The following SCAPER variants were observed in gnomAD, a reference collection of about 807,000 sequenced individuals.
SCAPER encodes S phase cyclin A-associated protein in the endoplasmic reticulum.
SCAPER carries 98 observed loss-of-function variants against 182.2 expected under a neutral mutation model. The observed-to-expected ratio is 0.54, with a 90% CI of 0.46 to 0.64. SCAPER has a LOEUF of 0.64. SCAPER is among the 30% of genes least tolerant of loss of function. The probability of loss-of-function intolerance (pLI) is 0.00; values close to 1 mark genes in which losing one functional copy is unlikely to be tolerated. For synonymous variants in SCAPER, 605 were observed against 564.6 expected, an observed-to-expected ratio of 1.07 and a Z score of -1.01; for missense variants, 1,432 against 1,690.0, an observed-to-expected ratio of 0.85 and a Z score of 2.68.
chr15:76,604,165 C>A lies in SCAPER; in HGVS notation c.2711+17599G>T, dbSNP rs57623988. Among the ~76,000 whole-genome samples the A allele has an allele frequency of 4.3e-4, 51 of 119,550 alleles. 8 individuals are homozygous for A. The highest frequency in any genetic ancestry group is 1.1e-3 in the African/African-American group (42 of 39,456). 78.4% of individuals were successfully genotyped at this position (119,550 alleles called of 152,430 possible). A position where few individuals can be genotyped will look rare whatever the true frequency, so the allele number is the denominator to read the frequency against. ...GGGTTTTTATGGTTTTAGGTCTAAC[C>A]TTTAAGTCTTTAATCCATCTTGAAT... On this transcript the variant is annotated intron_variant, in intron 22 of 31. Coordinates refer to ENST00000563290, the MANE Select transcript of SCAPER (RefSeq NM_020843.4).
chr15:76,882,616 G>A (rs1226951990), intron 2 of SCAPER, among the ~76,000 whole-genome samples: 1 of 152,204 alleles, frequency 6.6e-6, no homozygotes, highest in Non-Finnish European at 1.5e-5. Flanking sequence ...AGTATGAAGT[G>A]GGAGGGATGA....
intron 27 of SCAPER, among the ~76,000 whole-genome samples, chr15:76,388,410 C>A (rs568129576): frequency 1.3e-5 from 2 of 151,720 alleles, no homozygotes; most frequent in Non-Finnish European, 2.9e-5. Context: ...GAGCTATCAT[C>A]GCCTCACTGC....
chr15:76,454,545 C>G (rs2048589198), intron 25 of SCAPER, among the ~76,000 whole-genome samples: 1 of 152,036 alleles, frequency 6.6e-6, no homozygotes, highest in Admixed American at 6.5e-5. Context: ...AAATGTGTCC[C>G]TAGAGAATAT....
At chr15:76,414,185 C>A (rs1204352698) in intron 26 of SCAPER, among the ~76,000 whole-genome samples, 1 of 152,062 alleles carries the variant, frequency 6.6e-6, no homozygotes, top group East Asian at 1.9e-4. Flanking sequence ...AACAAGCTGG[C>A]AAGTATTCCC....
At chr15:76,564,886 C>A (rs2164102) in intron 23 of SCAPER, among the ~76,000 whole-genome samples, 40,129 of 151,966 alleles carry the variant, frequency 0.26, 6,164 homozygotes, top group East Asian at 0.55. Context: ...ACTATCTGAT[C>A]TTCGACAAAC....
At chr15:76,775,333 G>C (rs942691114) in intron 8 of SCAPER, among the ~76,000 whole-genome samples, 2 of 151,992 alleles carry the variant, frequency 1.3e-5, no homozygotes, top group Non-Finnish European at 2.9e-5. Context: ...CTGAAATTCA[G>C]ATTAAGGCTG....
chr15:76,663,494 T>C (rs779857604), intron 21 of SCAPER, among the ~76,000 whole-genome samples: 4 of 152,002 alleles, frequency 2.6e-5, no homozygotes, highest in Non-Finnish European at 5.9e-5. Context: ...CAGTAGAATG[T>C]GGTATATCCA....
At chr15:76,710,695 C>T (rs191018841) in intron 17 of SCAPER, among the ~76,000 whole-genome samples, 1 of 152,220 alleles carries the variant, frequency 6.6e-6, no homozygotes, top group Non-Finnish European at 1.5e-5. Flanking sequence ...AGATGTCAAT[C>T]TCCCTAAACT....
chr15:76,428,894 A>ATATATATATATATATATATATATATATAT (rs71143324), intron 26 of SCAPER, among the ~76,000 whole-genome samples: 41 of 138,066 alleles, frequency 3.0e-4, no homozygotes, highest in Non-Finnish European at 4.3e-4. Context: ...ATATATATAT[A>ATATATATATATATATATATATATATATAT]AACATCAAAA....
At chr15:76,899,634 T>C (rs574420475) in intron 1 of SCAPER, among the ~76,000 whole-genome samples, 4 of 152,096 alleles carry the variant, frequency 2.6e-5, no homozygotes, top group Admixed American at 6.5e-5. Flanking sequence ...TCGTCTGGGA[T>C]GTGAGGAGCC....
At chr15:76,714,990 C>T (rs1471709556) in intron 17 of SCAPER, among the ~76,000 whole-genome samples, 1 of 152,022 alleles carries the variant, frequency 6.6e-6, no homozygotes, top group African/African-American at 2.4e-5. Flanking sequence ...CAACATCCAC[C>T]CAGCAGCATG....
intron 20 of SCAPER, among the ~76,000 whole-genome samples, chr15:76,680,216 A>G (rs909866161): frequency 6.6e-6 from 1 of 152,072 alleles, no homozygotes; most frequent in East Asian, 1.9e-4. Context: ...AGTGCTGTTA[A>G]CTTCTAAATA....
intron 8 of SCAPER, among the ~76,000 whole-genome samples, chr15:76,790,654 T>TA (rs1365371606): frequency 6.6e-6 from 1 of 152,176 alleles, no homozygotes; most frequent in African/African-American, 2.4e-5. Context: ...TTCCTGCTAT[T>TA]ACTCCTTGTG....
At chr15:76,682,310 G>A (rs755491789) in intron 20 of SCAPER, among the ~76,000 whole-genome samples, 17 of 141,752 alleles carry the variant, frequency 1.2e-4, no homozygotes, top group Non-Finnish European at 2.1e-4. Flanking sequence ...AGACTGCTGT[G>A]CCACTGCTGC....
At chr15:76,499,232 T>C (rs1024174109) in intron 24 of SCAPER, among the ~76,000 whole-genome samples, 1 of 152,210 alleles carries the variant, frequency 6.6e-6, no homozygotes, top group African/African-American at 2.4e-5. Flanking sequence ...AAGAATAGGA[T>C]GCTCACACCT....
chr15:76,371,143 G>GCATA (rs2042141469), intron 29 of SCAPER, among the ~76,000 whole-genome samples: 1 of 152,130 alleles, frequency 6.6e-6, no homozygotes, highest in East Asian at 1.9e-4. Context: ...ATTTCAGGGA[G>GCATA]CTTACTTTAT....
chr15:76,504,711 C>G (rs778336400), intron 24 of SCAPER, 148 bp downstream of exon 24: 6 of 595,016 alleles, frequency 1.0e-5, no homozygotes, highest in Non-Finnish European at 1.7e-5. Flanking sequence ...TTGAGCACCT[C>G]TGTTTTTCTC....
intron 17 of SCAPER, 130 bp downstream of exon 17, chr15:76,728,465 T>G (rs2060720258): frequency 8.1e-7 from 1 of 1,236,690 alleles, no homozygotes; most frequent in Non-Finnish European, 1.1e-6. Flanking sequence ...GTCAGAGAGT[T>G]CAAGATCAAC....
chr15:76,803,626 G>A lies in SCAPER; in HGVS notation c.494+907C>T, dbSNP rs771989650. Among the ~76,000 whole-genome samples the A allele has an allele frequency of 5.9e-5, 9 of 152,268 alleles. No homozygotes were observed. The South Asian group carries it at 8.3e-4, about 14-fold the overall frequency. ...AAATCAAGGTGCCAGCAGATTCAAC[G>A]TCTGATATGAGCCCTGTTCCTTATA... is the stretch of plus-strand genomic sequence containing the variant. On this transcript the variant is annotated intron_variant, in intron 6 of 31. Transcript: ENST00000563290.
Sources: allele counts gnomAD v4.1 joint callset (sites outside exome capture counted in the v4.1 genomes callset), GRCh38; gene constraint gnomAD v4.1.1; transcripts MANE v1.5; gene names NCBI Gene and HGNC (gene_info 2026-07-23, HGNC 2026-07-21).